NUP58: variants seen among roughly 807,000 people sequenced by gnomAD.
NUP58 encodes nucleoporin 58, also known as nucleoporin p58/p45.
Under a neutral mutation model 70.1 loss-of-function variants are expected in NUP58, and 17 were observed. The ratio of observed to expected loss-of-function variants is 0.24; its 90% confidence interval spans 0.17 to 0.36. NUP58 has a LOEUF of 0.36. Ranked by LOEUF, NUP58 falls within the 10% of genes least tolerant of loss-of-function variation. The probability of loss-of-function intolerance (pLI) is 1.00; values close to 1 mark genes in which losing one functional copy is unlikely to be tolerated. For synonymous variants in NUP58, 275 were observed against 257.6 expected (o/e 1.07, Z -0.65); for missense variants, 644 against 701.5 (o/e 0.92, Z 0.93).
At chr13:25,321,927 C>T (rs1049561724) in intron 9 of NUP58, among the ~76,000 whole-genome samples, 1 of 152,100 alleles carries the variant, frequency 6.6e-6, no homozygotes, top group African/African-American at 2.4e-5. Context: ...CAAAAAAATA[C>T]AAATAAAAAT....
intron 13 of NUP58, chr13:25,335,141 C>T (rs2031736356): frequency 8.1e-6 from 8 of 985,008 alleles, no homozygotes; most frequent in Non-Finnish European, 9.6e-6. Flanking sequence ...ATGATGTTGC[C>T]TTCAGAATTT....
chr13:25,332,002 AC>A lies in NUP58; in HGVS notation c.1435+445del, dbSNP rs1479446190. On this transcript the variant is annotated intron_variant, in intron 13 of 15. Coordinates refer to ENST00000381736, the MANE Select transcript of NUP58 (RefSeq NM_014089.4). Reference sequence around the variant, plus strand: ...CATACATAGTGATTACAAAGTACCCACATTCAGGATGAAGTATGCTTTTATT... The same window carrying A: ...CATACATAGTGATTACAAAGTACCCAATTCAGGATGAAGTATGCTTTTATT... 6 of 1,014,816 alleles carry A rather than the reference AC, an allele frequency of 5.9e-6. No individual in the cohort carries two copies. The African/African-American group carries it at 8.6e-5, about 15-fold the overall frequency. The allele number at this position is 1,014,816 out of a possible 1,614,324, so 62.9% of individuals were successfully genotyped here. A position where few individuals can be genotyped will look rare whatever the true frequency, so the allele number is the denominator to read the frequency against.
chr13:25,311,747 C>G (rs527874083), intron 3 of NUP58, among the ~76,000 whole-genome samples: 97 of 149,456 alleles, frequency 6.5e-4, no homozygotes, highest in African/African-American at 2.3e-3. Flanking sequence ...GAGACTGATA[C>G]CAGAGAAATA....
Position 25,301,877 on chromosome 13 carries a change from C to T in NUP58, c.104C>T (p.Ser35Phe). 2.5e-6 allele frequency: 4 copies of T among 1,607,874 alleles called. No homozygotes were observed. The highest frequency in any genetic ancestry group is 3.4e-6 in the Non-Finnish European group (4 of 1,175,582). The change falls in exon 1 of 16, where the codon TCT becomes TTT. Residue 35 changes from serine to phenylalanine, a missense_variant. Physicochemically the swap from Ser to Phe is radical, Grantham distance 155. Transcript: ENST00000381736. ...GTTTTCTCCTTCGGAACGGGAGCGT[C>T]TAGGTAACCGCACTTTCTCGCCTTC... ...GGVFSFGTGASSNPSVGLNFG... is the reference protein window; with the variant it reads ...GGVFSFGTGAFSNPSVGLNFG...
Position 25,338,817 on chromosome 13 carries a change from C to G in NUP58, c.1630+86C>G, listed in dbSNP as rs966468763. 7 of 1,100,336 alleles carry G rather than the reference C, an allele frequency of 6.4e-6. No individual in the cohort carries two copies. The African/African-American group carries it at 9.4e-5, about 15-fold the overall frequency. The allele number at this position is 1,100,336 out of a possible 1,614,324, so 68.2% of individuals were successfully genotyped here. ...AGTATGTGTTGTTATTTCCAGTAAC[C>G]CAAAAAGTTCCCTCCCTGATTCAGT... On this transcript the variant is annotated intron_variant, in intron 15 of 15. Transcript: ENST00000381736.
intron 6 of NUP58, among the ~76,000 whole-genome samples, chr13:25,318,108 T>C (rs1261693117): frequency 6.6e-6 from 1 of 151,852 alleles, no homozygotes; most frequent in East Asian, 1.9e-4. Context: ...GGCAGGTGGG[T>C]CATGAGGTCA....
chr13:25,311,978 G>A (rs1297758564), intron 3 of NUP58, among the ~76,000 whole-genome samples: 2 of 152,112 alleles, frequency 1.3e-5, no homozygotes, highest in Admixed American at 6.5e-5. Context: ...ATATGTAGGA[G>A]GCCAAAGGGA....
chr13:25,337,482 C>T (rs2137833445), intron 14 of NUP58, among the ~76,000 whole-genome samples: 1 of 152,212 alleles, frequency 6.6e-6, no homozygotes, highest in South Asian at 2.1e-4. Context: ...AACTCATGTC[C>T]ATTTCTAAGC....
chr13:25,346,770 A>T (rs2032055799), downstream of NUP58, among the ~76,000 whole-genome samples: 1 of 152,080 alleles, frequency 6.6e-6, no homozygotes, highest in South Asian at 2.1e-4. Flanking sequence ...TGAGGAGATT[A>T]ATTTGGCCTG....
chr13:25,348,971 C>T (rs1317790565), intron 3 of NUP58, among the ~76,000 whole-genome samples: 3 of 152,210 alleles, frequency 2.0e-5, no homozygotes, highest in Non-Finnish European at 4.4e-5. Flanking sequence ...GAACACTATG[C>T]TCTTTCACAC....
intron 11 of NUP58, 24 bp from the exon 12 acceptor site, chr13:25,327,405 GT>G (rs753283023): frequency 7.0e-7 from 1 of 1,423,054 alleles, no homozygotes. Context: ...ATATATTTGG[GT>G]GATAATGTAA....
At chr13:25,302,850 G>A in intron 1 of NUP58, 3 of 411,004 alleles carry the variant, frequency 7.3e-6, no homozygotes, top group South Asian at 1.8e-5. Context: ...CCATACCTCC[G>A]TTATTCTTAC....
At chr13:25,327,612 A>T in intron 12 of NUP58, 100 bp downstream of exon 12, 4 of 663,322 alleles carry the variant, frequency 6.0e-6, no homozygotes, top group Non-Finnish European at 1.0e-5. Flanking sequence ...AATAGCTAAA[A>T]TTACATATAA....
chr13:25,309,317 G>A (rs764630914), intron 3 of NUP58, 35 bp downstream of exon 3: 15 of 1,506,110 alleles, frequency 1.0e-5, no homozygotes, highest in Non-Finnish European at 1.4e-5. Context: ...CAGCTCTGTG[G>A]TCTTCTAATA....
At chr13:25,345,571 A>G (rs1364347722), downstream of NUP58, among the ~76,000 whole-genome samples, 4 of 54,182 alleles carry the variant, frequency 7.4e-5, no homozygotes, top group African/African-American at 1.9e-4. Flanking sequence ...CAGCAACTGG[A>G]TGATGGGGGC....
rs143424819 is a variant in NUP58 at position 25,339,985 on chromosome 13, T to C, written c.1651T>C (p.Ser551Pro). 5 of 1,607,446 alleles carry C rather than the reference T, an allele frequency of 3.1e-6. No individual in the cohort carries two copies. The African/African-American group carries it at 5.4e-5, about 17-fold the overall frequency. Residue 551 changes from serine (S) to proline (P), a missense_variant, in exon 16 of 16, where the codon TCT becomes CCT. By Grantham distance (74) the Ser-to-Pro change is moderately conservative (BLOSUM62 -1). Transcript: ENST00000381736. ...LSAGFGSSST[S>P]GFNFSNPGIT... ...ATAAGGCTTTGGCAGCTCAAGTACATCTGGGTTTAACTTCAGCAATCCTGG... is the reference window on the plus strand; with the variant it reads ...ATAAGGCTTTGGCAGCTCAAGTACACCTGGGTTTAACTTCAGCAATCCTGG...
chr13:25,313,692 G>A lies in NUP58; in HGVS notation c.515G>A (p.Gly172Glu). 2 of 1,531,384 alleles carry A rather than the reference G, an allele frequency of 1.3e-6. No homozygotes were observed. The highest frequency in any genetic ancestry group is 1.7e-6 in the Non-Finnish European group (2 of 1,152,390). The allele number at this position is 1,531,384 out of a possible 1,614,324, so 94.9% of individuals were successfully genotyped here. A position where few individuals can be genotyped will look rare whatever the true frequency, so the allele number is the denominator to read the frequency against. ...TTTASTGLSL[G>E]GALAGLGGSL... ...ACTGCATCAACAGGCCTCTCTTTAG[G>A]GGGAGCCTTAGCTGGTTTGGGAGGT... Residue 172 changes from glycine (G) to glutamate (E), a missense_variant, in exon 5 of 16, where the codon GGG (glycine) becomes GAG (glutamate). Transcript: ENST00000381736.
chr13:25,339,775 G>C (rs1177423405), intron 15 of NUP58, among the ~76,000 whole-genome samples, 190 bp from the exon 16 acceptor site: 1 of 151,908 alleles, frequency 6.6e-6, no homozygotes, highest in Non-Finnish European at 1.5e-5. Context: ...TCTCTTTCAG[G>C]GTGCCACTTA....
chr13:25,303,762 C>T (rs914898299), intron 1 of NUP58, among the ~76,000 whole-genome samples: 1 of 152,190 alleles, frequency 6.6e-6, no homozygotes, highest in Non-Finnish European at 1.5e-5. Context: ...CTCTCACTGA[C>T]TAGAAACTGC....
Sources: allele counts gnomAD v4.1 joint callset (sites outside exome capture counted in the v4.1 genomes callset), GRCh38; gene constraint gnomAD v4.1.1; transcripts MANE v1.5; gene names NCBI Gene and HGNC (gene_info 2026-07-23, HGNC 2026-07-21).